The following ASXL2 variants were observed in gnomAD, a reference collection of about 807,000 sequenced individuals.
ASXL2 encodes putative Polycomb group protein ASXL2.
ASXL2 carries 23 observed loss-of-function variants against 122.0 expected under a neutral mutation model. The observed-to-expected ratio is 0.19, with a 90% CI of 0.14 to 0.27. The LOEUF (loss-of-function observed/expected upper bound fraction) is 0.27. Ranked by LOEUF, ASXL2 falls within the 10% of genes least tolerant of loss-of-function variation. The pLI is 1.00. For missense variants in ASXL2, 1,518 were observed against 1,713.8 expected (o/e 0.89, Z 2.02); for synonymous variants, 650 against 637.0 (o/e 1.02, Z -0.31).
chr2:25,863,935 G>T (rs1033591131), intron 1 of ASXL2, among the ~76,000 whole-genome samples: 3 of 151,478 alleles, frequency 2.0e-5, no homozygotes, highest in African/African-American at 7.3e-5. Context: ...GAACCCGGGA[G>T]GTGGGGGCTG....
chr2:25,841,435 G>A (rs955819291), intron 2 of ASXL2, among the ~76,000 whole-genome samples: 2 of 152,152 alleles, frequency 1.3e-5, no homozygotes, highest in African/African-American at 4.8e-5. Flanking sequence ...ATCATATGCT[G>A]AGGAGTGGGG....
chr2:25,742,954 A>T lies in ASXL2; in HGVS notation c.3383T>A (p.Ile1128Asn). 1 of 1,614,006 alleles carries T rather than the reference A, an allele frequency of 6.2e-7. No individual in the cohort carries two copies. The highest frequency in any genetic ancestry group is 8.5e-7 in the Non-Finnish European group (1 of 1,179,898). Residue 1128 changes from isoleucine (I) to asparagine (N), a missense_variant, in exon 13 of 13, where the codon ATT (isoleucine) becomes AAT (asparagine). Physicochemically the swap from Ile to Asn is moderately radical, Grantham distance 149. Coordinates refer to ENST00000435504, the MANE Select transcript of ASXL2 (RefSeq NM_018263.6). ...PAMAGHYLLN[I>N]STYGRGSESF... ...CTCTGAGCCCCGGCCGTAGGTAGAAATATTCAGTAAGTAGTGCCCTGCCAT... is the reference window on the plus strand; with the variant it reads ...CTCTGAGCCCCGGCCGTAGGTAGAATTATTCAGTAAGTAGTGCCCTGCCAT...
At chr2:25,805,962 C>G (rs1288251453) in intron 4 of ASXL2, among the ~76,000 whole-genome samples, 2 of 152,176 alleles carry the variant, frequency 1.3e-5, no homozygotes, top group Admixed American at 1.3e-4. Flanking sequence ...CAGGCGTGAG[C>G]CACCACGCCT....
At chr2:25,757,629 C>T (rs188450927) in intron 9 of ASXL2, among the ~76,000 whole-genome samples, 1,251 of 122,478 alleles carry the variant, frequency 0.01, 10 homozygotes, top group Admixed American at 0.019. Flanking sequence ...GAGCCGAGAT[C>T]GAGCCAATGC....
chr2:25,859,609 G>A (rs2089821081), intron 1 of ASXL2, among the ~76,000 whole-genome samples: 1 of 152,126 alleles, frequency 6.6e-6, no homozygotes, highest in Non-Finnish European at 1.5e-5. Context: ...CCCACTGAAT[G>A]TAGCTATACA....
At chr2:25,779,272 A>C (rs2088596025) in intron 5 of ASXL2, among the ~76,000 whole-genome samples, 2 of 151,470 alleles carry the variant, frequency 1.3e-5, no homozygotes, top group South Asian at 4.2e-4. Flanking sequence ...AATTTTTTGT[A>C]TTTTTAGTAG....
intron 9 of ASXL2, among the ~76,000 whole-genome samples, chr2:25,758,234 A>G (rs2088174614): frequency 6.6e-6 from 1 of 152,200 alleles, no homozygotes; most frequent in African/African-American, 2.4e-5. Context: ...CAGAATTAGA[A>G]AGATTTAGTT....
At chr2:25,847,357 G>A (rs1398809682) in intron 1 of ASXL2, among the ~76,000 whole-genome samples, 2 of 152,008 alleles carry the variant, frequency 1.3e-5, no homozygotes, top group East Asian at 3.9e-4. Flanking sequence ...AGTTTTCTTT[G>A]TAGATGTCTT....
chr2:25,817,228 A>G (rs1487253955), intron 3 of ASXL2, among the ~76,000 whole-genome samples: 2 of 152,246 alleles, frequency 1.3e-5, no homozygotes, highest in Non-Finnish European at 2.9e-5. Flanking sequence ...GCACCAAAGT[A>G]AACAAGGAAT....
chr2:25,737,609 G>C lies in ASXL2; in HGVS notation c.*4420C>G, dbSNP rs2087757982. 1 of 152,114 alleles carries C rather than the reference G, an allele frequency of 6.6e-6. No homozygotes were observed. The highest frequency in any genetic ancestry group is 2.4e-5 in the African/African-American group (1 of 41,432). The allele number at this position is 152,114 out of a possible 1,614,324, so 9.4% of individuals were successfully genotyped here. The stretch of plus-strand genomic sequence containing the variant: ...AACCATCCCATAGGAGTATAAGGCA[G>C]TAACTGAGGACTCTTACCCACGCCA... On this transcript the variant is annotated 3_prime_UTR_variant, in exon 13 of 13. Coordinates refer to ENST00000435504, the MANE Select transcript of ASXL2 (RefSeq NM_018263.6).
Position 25,750,282 on chromosome 2 carries a change from A to T in ASXL2, c.1274T>A (p.Val425Glu). Residue 425 changes from valine (V) to glutamate (E), a missense_variant, in exon 12 of 13, where the codon GTA (valine) becomes GAA (glutamate). Physicochemically the swap from Val to Glu is moderately radical, Grantham distance 121. Coordinates refer to ENST00000435504, the MANE Select transcript of ASXL2 (RefSeq NM_018263.6). ...SEASLIRIVP[V>E]VSQSECKEEA... ...TTCTTTACACTCTGACTGGGAGACT[A>T]CTGGAACTATTCTGATAAGAGAGGC... 6.2e-7 allele frequency: 1 copy of T among 1,614,002 alleles called. No homozygotes were observed. Among genetic ancestry groups the T allele is most frequent in the Non-Finnish European group, 8.5e-7 (1 of 1,179,886 alleles).
intron 5 of ASXL2, among the ~76,000 whole-genome samples, chr2:25,785,860 A>C (rs149444284): frequency 1.8e-3 from 279 of 152,202 alleles, no homozygotes; most frequent in East Asian, 6.2e-3. Flanking sequence ...CAAAAACAAC[A>C]ATCTTATACA....
intron 5 of ASXL2, among the ~76,000 whole-genome samples, chr2:25,798,628 G>A (rs2088946793): frequency 6.6e-6 from 1 of 152,102 alleles, no homozygotes; most frequent in South Asian, 2.1e-4. Flanking sequence ...GCTGGGCTTG[G>A]TGGCAGGCAC....
At chr2:25,753,050 C>T (rs1392432758) in intron 11 of ASXL2, among the ~76,000 whole-genome samples, 1 of 151,780 alleles carries the variant, frequency 6.6e-6, no homozygotes, top group African/African-American at 2.4e-5. Flanking sequence ...TCACCACAAC[C>T]TCTGCCTCAC....
Position 25,878,424 on chromosome 2 carries a change from T to C in ASXL2, c.-202A>G. On this transcript the variant is annotated 5_prime_UTR_variant, in exon 1 of 13. Transcript: ENST00000435504. ...GGGGCGGCCGGTCCTCTTGCTGCCG[T>C]TGCCACTGCTACCGCCGCTGCCATA... 2 of 598,056 alleles carry C rather than the reference T, an allele frequency of 3.3e-6. No homozygotes were observed. The highest frequency in any genetic ancestry group is 5.9e-6 in the Non-Finnish European group (2 of 337,292). The allele number at this position is 598,056 out of a possible 1,614,324, so 37.0% of individuals were successfully genotyped here.
At chr2:25,870,570 G>A (rs1333972491) in intron 1 of ASXL2, among the ~76,000 whole-genome samples, 2 of 152,142 alleles carry the variant, frequency 1.3e-5, no homozygotes, top group South Asian at 2.1e-4. Context: ...TACTCAGGAA[G>A]CTGAGGCAGG....
chr2:25,873,574 T>A (rs2089981642), intron 1 of ASXL2, among the ~76,000 whole-genome samples: 1 of 152,016 alleles, frequency 6.6e-6, no homozygotes, highest in Admixed American at 6.6e-5. Context: ...TGACAAAAGT[T>A]TTAAGTGACA....
intron 8 of ASXL2, among the ~76,000 whole-genome samples, chr2:25,761,270 C>T (rs1360133464): frequency 6.6e-6 from 1 of 152,052 alleles, no homozygotes; most frequent in African/African-American, 2.4e-5. Context: ...GAACGTATTC[C>T]AAAGAGGACA....
chr2:25,790,542 T>G (rs937514309), intron 5 of ASXL2, among the ~76,000 whole-genome samples: 1 of 152,088 alleles, frequency 6.6e-6, no homozygotes, highest in African/African-American at 2.4e-5. Flanking sequence ...TACTTCTCTA[T>G]TACCAGTTTT....
Sources: gnomAD v4.1 joint callset for allele counts (sites outside exome capture counted in the v4.1 genomes callset) on GRCh38, gnomAD v4.1.1 for gene constraint, MANE v1.5 for transcripts, NCBI Gene and HGNC (gene_info 2026-07-23, HGNC 2026-07-21) for gene names.